CARMIL1: variants seen among roughly 807,000 people sequenced by gnomAD.
CARMIL1 encodes F-actin-uncapping protein LRRC16A.
A neutral mutation model predicts 177.1 loss-of-function variants in CARMIL1; 90 were observed. The observed-to-expected ratio is 0.51, with a 90% CI of 0.43 to 0.61. CARMIL1 has a LOEUF of 0.61. Ranked by LOEUF, CARMIL1 falls within the 20% of genes least tolerant of loss-of-function variation. The pLI is 0.00. For missense variants in CARMIL1, 1,380 were observed against 1,667.0 expected, an observed-to-expected ratio of 0.83 and a Z score of 3.00; for synonymous variants, 577 against 606.2, an observed-to-expected ratio of 0.95 and a Z score of 0.71.
intron 11 of CARMIL1, among the ~76,000 whole-genome samples, chr6:25,478,854 G>T (rs1801831056): frequency 6.6e-6 from 1 of 151,424 alleles, no homozygotes; most frequent in African/African-American, 2.4e-5. Flanking sequence ...TGGAAGTATT[G>T]ACTCAATTTT....
At chr6:25,355,811 T>G (rs2150373744) in intron 2 of CARMIL1, among the ~76,000 whole-genome samples, 1 of 152,360 alleles carries the variant, frequency 6.6e-6, no homozygotes, top group East Asian at 1.9e-4. Context: ...ATTTGTCATC[T>G]TAACCATTTT....
chr6:25,279,848 C>G lies in CARMIL1; in HGVS notation c.40+13C>G. 1 of 1,613,856 alleles carries G rather than the reference C, an allele frequency of 6.2e-7. No homozygotes were observed. The highest frequency in any genetic ancestry group is 8.5e-7 in the Non-Finnish European group (1 of 1,179,786). ...AGGGAGTTGATAGGTAAGATTCACGCGGTTGTTGGTTTTCCACCTTCCTCT... is the reference window on the plus strand; with the variant it reads ...AGGGAGTTGATAGGTAAGATTCACGGGGTTGTTGGTTTTCCACCTTCCTCT... On this transcript the variant is annotated intron_variant, in intron 1 of 36. Transcript: ENST00000329474.
intron 11 of CARMIL1, among the ~76,000 whole-genome samples, chr6:25,480,729 CTTTTTTT>C (rs1309021528): frequency 1.8e-5 from 2 of 112,732 alleles, no homozygotes; most frequent in African/African-American, 3.4e-5. Flanking sequence ...TATTTGTTTC[CTTTTTTT>C]TTTTTTTTTT....
At chr6:25,351,926 C>T (rs781236002) in intron 2 of CARMIL1, among the ~76,000 whole-genome samples, 18 of 152,082 alleles carry the variant, frequency 1.2e-4, no homozygotes, top group Non-Finnish European at 2.6e-4. Context: ...AATCAGGAAA[C>T]GGCTCCTTTT....
chr6:25,591,001 T>C (rs570108820), intron 31 of CARMIL1, among the ~76,000 whole-genome samples: 1 of 152,348 alleles, frequency 6.6e-6, no homozygotes, highest in South Asian at 2.1e-4. Flanking sequence ...AGCTAATTAA[T>C]TTTCCATGTT....
At chr6:25,537,717 A>G in intron 24 of CARMIL1, 138 bp from the exon 25 acceptor site, 1 of 929,544 alleles carries the variant, frequency 1.1e-6, no homozygotes, top group Non-Finnish European at 1.6e-6. Flanking sequence ...GACTCCAGTT[A>G]GAAGGGTTTG....
At chr6:25,303,534 C>A (rs1046867709) in intron 2 of CARMIL1, among the ~76,000 whole-genome samples, 1 of 152,190 alleles carries the variant, frequency 6.6e-6, no homozygotes, top group East Asian at 1.9e-4. Flanking sequence ...GTTCTTAGAA[C>A]CTTTGGTATT....
chr6:25,547,630 G>T (rs1450619451), intron 26 of CARMIL1, among the ~76,000 whole-genome samples: 1 of 152,132 alleles, frequency 6.6e-6, no homozygotes, highest in Non-Finnish European at 1.5e-5. Flanking sequence ...AGGCCCTGGG[G>T]ATGTAAGATG....
At chr6:25,422,860 G>GC (rs1451004887) in intron 3 of CARMIL1, among the ~76,000 whole-genome samples, 1 of 151,956 alleles carries the variant, frequency 6.6e-6, no homozygotes, top group Non-Finnish European at 1.5e-5. Context: ...ACTTTATTCT[G>GC]CCCCCTCCTT....
At chr6:25,417,623 G>A (rs1184336462) in intron 2 of CARMIL1, among the ~76,000 whole-genome samples, 1 of 152,202 alleles carries the variant, frequency 6.6e-6, no homozygotes, top group African/African-American at 2.4e-5. Context: ...TGATCTTCCA[G>A]GGGCTAGAGC....
chr6:25,541,998 C>T (rs1808964221), intron 26 of CARMIL1, among the ~76,000 whole-genome samples: 1 of 152,172 alleles, frequency 6.6e-6, no homozygotes, highest in Non-Finnish European at 1.5e-5. Flanking sequence ...CTCAGTGATG[C>T]ATCAAATAAT....
At chr6:25,297,858 A>G (rs76415849) in intron 2 of CARMIL1, among the ~76,000 whole-genome samples, 4,260 of 152,284 alleles carry the variant, frequency 0.028, 73 homozygotes, top group Non-Finnish European at 0.038. Context: ...TTACATTTTA[A>G]TATTCTAGAG....
intron 22 of CARMIL1, among the ~76,000 whole-genome samples, 155 bp from the exon 23 acceptor site, chr6:25,520,089 G>T (rs1806397272): frequency 6.6e-6 from 1 of 152,184 alleles, no homozygotes; most frequent in Non-Finnish European, 1.5e-5. Context: ...TATTACAAAG[G>T]ATAATCTGCA....
intron 2 of CARMIL1, among the ~76,000 whole-genome samples, chr6:25,296,554 CGGGGAA>C (rs1782377970): frequency 6.6e-6 from 1 of 152,172 alleles, no homozygotes; most frequent in Admixed American, 6.5e-5. Context: ...CGCCCAGATG[CGGGGAA>C]GTGACTGAGA....
intron 29 of CARMIL1, among the ~76,000 whole-genome samples, chr6:25,565,824 A>G (rs768428350): frequency 1.4e-4 from 22 of 152,192 alleles, no homozygotes; most frequent in Non-Finnish European, 2.6e-4. Context: ...CTGGCGACAG[A>G]GTGAGACTCC....
intron 2 of CARMIL1, among the ~76,000 whole-genome samples, chr6:25,311,539 GC>G: frequency 1.4e-5 from 2 of 142,452 alleles, no homozygotes; most frequent in South Asian, 2.4e-4. Context: ...GATATATAGA[GC>G]GGGGGAAAAA....
intron 2 of CARMIL1, among the ~76,000 whole-genome samples, chr6:25,356,415 C>G (rs1488739523): frequency 6.6e-6 from 1 of 152,148 alleles, no homozygotes; most frequent in East Asian, 1.9e-4. Flanking sequence ...CTCTTACAGT[C>G]CTTACCATTT....
At chr6:25,409,608 T>C (rs535614797) in intron 2 of CARMIL1, among the ~76,000 whole-genome samples, 50 of 152,198 alleles carry the variant, frequency 3.3e-4, no homozygotes, top group Admixed American at 7.2e-4. Flanking sequence ...TATAGCCTCA[T>C]GGTGGATCCC....
intron 16 of CARMIL1, among the ~76,000 whole-genome samples, chr6:25,499,690 T>C (rs1464183961): frequency 6.6e-6 from 1 of 152,220 alleles, no homozygotes; most frequent in Non-Finnish European, 1.5e-5. Flanking sequence ...CATCTAGATA[T>C]AATTTGACAT....
Sources: gnomAD v4.1 joint callset for allele counts (sites outside exome capture counted in the v4.1 genomes callset) on GRCh38, gnomAD v4.1.1 for gene constraint, MANE v1.5 for transcripts, NCBI Gene and HGNC (gene_info 2026-07-23, HGNC 2026-07-21) for gene names.